Variants in LRMDA observed in about 807,000 individuals in gnomAD.
LRMDA encodes the protein leucine-rich melanocyte differentiation-associated protein.
In LRMDA, 18 loss-of-function variants were observed where a neutral mutation model predicts 29.8. The ratio of observed to expected loss-of-function variants is 0.60; its 90% CI spans 0.42 to 0.90. The LOEUF is 0.90. LRMDA is among the 40% of genes least tolerant of loss of function. The pLI, the probability that LRMDA is intolerant of heterozygous loss-of-function variation, is 0.00. For missense variants in LRMDA, 273 were observed against 273.9 expected (o/e 1.00, Z 0.02); for synonymous variants, 125 against 109.4 (o/e 1.14, Z -0.89).
intron 2 of LRMDA, among the ~76,000 whole-genome samples, chr10:75,953,808 C>A (rs1589265293): frequency 6.6e-6 from 1 of 152,254 alleles, no homozygotes; most frequent in East Asian, 1.9e-4. Context: ...CCGCAGTATT[C>A]CTTGTCCCCT....
chr10:76,315,784 C>A (rs1478164474), intron 5 of LRMDA, among the ~76,000 whole-genome samples: 11 of 151,940 alleles, frequency 7.2e-5, no homozygotes, highest in Non-Finnish European at 1.6e-4. Context: ...GCCGGGCTGC[C>A]AGTGCCGGGT....
chr10:76,415,843 A>T (rs1477078470), intron 6 of LRMDA, among the ~76,000 whole-genome samples: 1 of 152,198 alleles, frequency 6.6e-6, no homozygotes, highest in Non-Finnish European at 1.5e-5. Context: ...GGCTTTGTGA[A>T]GGCTGACTCC....
chr10:75,690,979 AT>A (rs1275057407), intron 2 of LRMDA, among the ~76,000 whole-genome samples: 3,036 of 90,586 alleles, frequency 0.034, 113 homozygotes, highest in Admixed American at 0.12. Context: ...TAAAAAAAAA[AT>A]ATATATATAT....
chr10:76,360,625 C>T lies in LRMDA; in HGVS notation c.601+36140C>T, dbSNP rs116943884. The stretch of plus-strand genomic sequence containing the variant: ...AATTTCTAACCAACTTGTTTAATCC[C>T]CACAGTTCTGTGAAGTCAGTATTAT... On this transcript the variant is annotated intron_variant, in intron 6 of 6. Transcript: ENST00000611255. Among the ~76,000 whole-genome samples, 996 of 152,226 alleles carry T rather than the reference C, an allele frequency of 6.5e-3. 5 individuals carry two copies. The highest frequency in any genetic ancestry group is 7.8e-3 in the Non-Finnish European group (530 of 68,024).
chr10:75,887,625 C>T (rs1397252400), intron 2 of LRMDA, among the ~76,000 whole-genome samples: 1 of 152,166 alleles, frequency 6.6e-6, no homozygotes, highest in Non-Finnish European at 1.5e-5. Context: ...CTTTGAGCTG[C>T]AACTTCAGAT....
At chr10:76,448,359 T>C (rs1382114269) in intron 6 of LRMDA, among the ~76,000 whole-genome samples, 1 of 152,150 alleles carries the variant, frequency 6.6e-6, no homozygotes, top group African/African-American at 2.4e-5. Context: ...ATCATCCAAA[T>C]TTTAATATCT....
intron 2 of LRMDA, among the ~76,000 whole-genome samples, chr10:75,560,940 A>G (rs1340534582): frequency 6.6e-6 from 1 of 151,566 alleles, no homozygotes; most frequent in African/African-American, 2.4e-5. Context: ...GTTTGCCAGT[A>G]TTTTATTGAG....
intron 5 of LRMDA, among the ~76,000 whole-genome samples, chr10:76,147,856 C>G (rs1850359109): frequency 6.6e-6 from 1 of 152,080 alleles, no homozygotes; most frequent in South Asian, 2.1e-4. Flanking sequence ...CGTACAGATG[C>G]ACTTTTTGTG....
At chr10:75,864,209 T>C (rs1844982262) in intron 2 of LRMDA, among the ~76,000 whole-genome samples, 2 of 152,234 alleles carry the variant, frequency 1.3e-5, no homozygotes, top group African/African-American at 2.4e-5. Context: ...TAAAACTCTA[T>C]AGTAAATGTT....
At chr10:76,138,608 A>G (rs1057321753) in intron 5 of LRMDA, among the ~76,000 whole-genome samples, 2 of 152,160 alleles carry the variant, frequency 1.3e-5, no homozygotes, top group African/African-American at 4.8e-5. Context: ...GGCTGCTTGT[A>G]GATAGAACAG....
chr10:76,055,682 C>T (rs1848602114), intron 4 of LRMDA, among the ~76,000 whole-genome samples: 1 of 152,248 alleles, frequency 6.6e-6, no homozygotes, highest in Non-Finnish European at 1.5e-5. Context: ...TACAGCCAGG[C>T]ATGCTGGAAG....
intron 2 of LRMDA, among the ~76,000 whole-genome samples, chr10:75,651,320 G>A (rs1841596801): frequency 6.6e-6 from 1 of 152,112 alleles, no homozygotes; most frequent in South Asian, 2.1e-4. Context: ...TAGGATCTGG[G>A]CAGAAAATGT....
At chr10:76,475,115 C>T (rs1256317981) in intron 6 of LRMDA, among the ~76,000 whole-genome samples, 1 of 151,602 alleles carries the variant, frequency 6.6e-6, no homozygotes, top group Non-Finnish European at 1.5e-5. Flanking sequence ...TACCAATGAA[C>T]ATATATAGCT....
At chr10:75,959,990 G>T (rs1846735075) in intron 2 of LRMDA, among the ~76,000 whole-genome samples, 1 of 152,174 alleles carries the variant, frequency 6.6e-6, no homozygotes, top group Non-Finnish European at 1.5e-5. Context: ...TCTAACACAG[G>T]TTTAGTTTGT....
intron 6 of LRMDA, among the ~76,000 whole-genome samples, chr10:76,462,053 C>G (rs1842517115): frequency 1.3e-5 from 1 of 77,752 alleles, no homozygotes; most frequent in Non-Finnish European, 2.7e-5. Flanking sequence ...AGAGGGAACT[C>G]TGTCTCAAAA....
chr10:75,582,635 C>T (rs924118186), intron 2 of LRMDA, among the ~76,000 whole-genome samples: 1 of 152,170 alleles, frequency 6.6e-6, no homozygotes, highest in Non-Finnish European at 1.5e-5. Flanking sequence ...AAGGCATTTC[C>T]CCCATTGTTT....
chr10:76,163,101 T>C (rs963334867), intron 5 of LRMDA, among the ~76,000 whole-genome samples: 1 of 152,198 alleles, frequency 6.6e-6, no homozygotes, highest in Non-Finnish European at 1.5e-5. Flanking sequence ...AGTGACATTA[T>C]TGGAACATAA....
chr10:76,268,797 TGTCA>T (rs980082791), intron 5 of LRMDA, among the ~76,000 whole-genome samples: 42 of 152,326 alleles, frequency 2.8e-4, no homozygotes, highest in African/African-American at 1.0e-3. Flanking sequence ...AGGTTTGACG[TGTCA>T]GTCAATCTCT....
chr10:76,120,529 C>A lies in LRMDA; in HGVS notation c.516+61746C>A, dbSNP rs1849767460. The stretch of plus-strand genomic sequence containing the variant: ...TTAATTTTCATACTGCGCCATGTTT[C>A]ATGGATGGTTTGAGGTAGCTTATAA... On this transcript the variant is annotated intron_variant, in intron 5 of 6. Coordinates refer to ENST00000611255, the MANE Select transcript of LRMDA (RefSeq NM_001305581.2). Among the ~76,000 whole-genome samples the A allele has an allele frequency of 3.9e-5, 6 of 152,156 alleles. No individual in the cohort carries two copies. The South Asian group carries it at 1.0e-3, about 26-fold the overall frequency.
Sources: allele counts gnomAD v4.1 joint callset (sites outside exome capture counted in the v4.1 genomes callset), GRCh38; gene constraint gnomAD v4.1.1; transcripts MANE v1.5; gene names NCBI Gene and HGNC (gene_info 2026-07-23, HGNC 2026-07-21).